Variants in GTPBP6 observed in about 807,000 individuals in gnomAD.
GTPBP6 encodes putative GTP-binding protein 6.
In GTPBP6, 33 loss-of-function variants were observed where a neutral mutation model predicts 28.9. The observed-to-expected ratio is 1.14, with a 90% CI of 0.87 to 1.53. The LOEUF (loss-of-function observed/expected upper bound fraction) is 1.53. GTPBP6 is among the 40% of genes most tolerant of loss of function. The probability of loss-of-function intolerance (pLI) is 0.00; values close to 1 mark genes in which losing one functional copy is unlikely to be tolerated. For synonymous variants in GTPBP6, 231 were observed against 192.7 expected, an observed-to-expected ratio of 1.20 and a Z score of -1.65; for missense variants, 507 against 408.3, an observed-to-expected ratio of 1.24 and a Z score of -2.08.
chrX:313,007 G>A (rs2070346449), intron 5 of GTPBP6, 83 bp from the exon 6 acceptor site: 2 of 1,239,090 alleles, frequency 1.6e-6, no homozygotes, highest in Middle Eastern at 2.8e-4. Flanking sequence ...GGTCTGCGGG[G>A]GCCCGGGGCC....
intron 4 of GTPBP6, among the ~76,000 whole-genome samples, chrX:314,505 C>G (rs770363618): frequency 1.4e-5 from 2 of 138,108 alleles, no homozygotes; most frequent in South Asian, 4.4e-4. Context: ...CGGAGTCTCG[C>G]TCTGTCACCC....
At chrX:318,268 G>C (rs1377187862) in intron 1 of GTPBP6, among the ~76,000 whole-genome samples, 171 bp downstream of exon 1, 1 of 137,548 alleles carries the variant, frequency 7.3e-6, no homozygotes, top group Non-Finnish European at 1.6e-5. Context: ...CCGCCCTTGC[G>C]CCTCCACCTA....
At chrX:305,646 G>A (rs1158373720) in intron 9 of GTPBP6, among the ~76,000 whole-genome samples, 2 of 141,262 alleles carry the variant, frequency 1.4e-5, no homozygotes, top group African/African-American at 5.5e-5. Flanking sequence ...TTTTTTTTGA[G>A]ACAGAGTCTC....
At chrX:313,925 G>C (rs4074621) in intron 5 of GTPBP6, among the ~76,000 whole-genome samples, 61,483 of 115,956 alleles carry the variant, frequency 0.53, 17,260 homozygotes, top group African/African-American at 0.6. Flanking sequence ...AAAACCACCA[G>C]CATCTCCTAT....
chrX:311,270 GGCCCCTGGGCTGAGTGGGTGTCCGAGGGC>G, intron 7 of GTPBP6, 120 bp downstream of exon 7: 1 of 270,028 alleles, frequency 3.7e-6, no homozygotes, highest in African/African-American at 4.6e-5. Context: ...CCGAGGGCCT[GGCCCCTGGGCTGAGTGGGTGTCCGAGGGC>G]CCGGCCCCTG....
chrX:308,732 C>CTTTT (rs1164566238), intron 7 of GTPBP6, among the ~76,000 whole-genome samples: 21 of 109,482 alleles, frequency 1.9e-4, no homozygotes, highest in African/African-American at 6.9e-4. Flanking sequence ...GAAAGTTTTA[C>CTTTT]TTTTTTTTTT....
At chrX:306,311 G>A (rs2070162858) in intron 9 of GTPBP6, among the ~76,000 whole-genome samples, 2 of 150,534 alleles carry the variant, frequency 1.3e-5, no homozygotes, top group East Asian at 2.0e-4. Context: ...AGTCAGAAAT[G>A]TACATTTTGA....
At chrX:310,888 T>TCA (rs1297561733) in intron 7 of GTPBP6, among the ~76,000 whole-genome samples, 3 of 151,712 alleles carry the variant, frequency 2.0e-5, no homozygotes, top group African/African-American at 7.3e-5. Context: ...TCCTCAGGCA[T>TCA]CACCGTGCTG....
exon 1 of GTPBP6, chrX:318,582 T>C (rs1230995323): frequency 1.5e-5 from 6 of 397,674 alleles, no homozygotes; most frequent in Admixed American, 8.8e-5. Flanking sequence ...CTCCTCCTCG[T>C]CGTCTCCCGT....
intron 7 of GTPBP6, among the ~76,000 whole-genome samples, chrX:308,556 T>C (rs2070220753): frequency 6.6e-6 from 1 of 152,116 alleles, no homozygotes; most frequent in Non-Finnish European, 1.5e-5. Context: ...TGTGCGTGTC[T>C]GTGGTCTCAG....
chrX:317,846 T>G (rs1371090707), intron 1 of GTPBP6, among the ~76,000 whole-genome samples: 1 of 119,330 alleles, frequency 8.4e-6, no homozygotes, highest in Non-Finnish European at 1.8e-5. Flanking sequence ...CCACCAATGA[T>G]ATCCTCCCCT....
chrX:309,049 GA>G, intron 7 of GTPBP6, among the ~76,000 whole-genome samples: 1 of 152,234 alleles, frequency 6.6e-6, no homozygotes, highest in Non-Finnish European at 1.5e-5. Context: ...GGGAGGAGTC[GA>G]AAGCGGAGTC....
At chrX:308,368 A>T (rs1374819604) in intron 7 of GTPBP6, among the ~76,000 whole-genome samples, 1 of 152,192 alleles carries the variant, frequency 6.6e-6, no homozygotes, top group African/African-American at 2.4e-5. Flanking sequence ...TCTCCAACTT[A>T]TACTACCGGG....
At chrX:312,102 G>C in intron 6 of GTPBP6, 1 of 449,710 alleles carries the variant, frequency 2.2e-6, no homozygotes, top group Non-Finnish European at 4.4e-6. Context: ...CAGATGGGTG[G>C]ATTGTATAGA....
intron 9 of GTPBP6, among the ~76,000 whole-genome samples, chrX:305,478 C>T (rs1417893824): frequency 2.6e-5 from 4 of 151,764 alleles, no homozygotes; most frequent in African/African-American, 7.3e-5. Flanking sequence ...CATGCCACCA[C>T]ACCTGGCTAA....
At chrX:312,693 T>TGCCCTCCCCCGGGCGA (rs1430450443) in intron 6 of GTPBP6, 73 bp downstream of exon 6, 6 of 1,453,584 alleles carry the variant, frequency 4.1e-6, no homozygotes, top group Non-Finnish European at 5.7e-6. Flanking sequence ...AGGGACCCCC[T>TGCCCTCCCCCGGGCGA]GCCCTCCCCC....
At chrX:317,711 A>ACCCCACCCCC (rs2070464918) in intron 1 of GTPBP6, among the ~76,000 whole-genome samples, 1 of 5,532 alleles carries the variant, frequency 1.8e-4, no homozygotes, top group African/African-American at 7.2e-4. Context: ...ACCCCACCCC[A>ACCCCACCCCC]CCCCACCCCA....
chrX:318,300 C>T lies in GTPBP6; in HGVS notation c.349+139G>A, dbSNP rs1396884443. 1.0e-5 allele frequency: 4 copies of T among 396,830 alleles called. No homozygotes were observed. The East Asian group carries it at 1.1e-4, about 11-fold the overall frequency. The allele number at this position is 396,830 out of a possible 1,614,324, so 24.6% of individuals were successfully genotyped here. A position where few individuals can be genotyped will look rare whatever the true frequency, so the allele number is the denominator to read the frequency against. On this transcript the variant is annotated intron_variant, in intron 1 of 9. Transcript: ENST00000326153. The stretch of plus-strand genomic sequence containing the variant: ...CCTATGAGATTCTCCCCACAGAACC[C>T]CGCCCCTGAATCTCCACCTATGAGA...
At chrX:308,436 T>A (rs368609482) in intron 7 of GTPBP6, among the ~76,000 whole-genome samples, 2 of 152,170 alleles carry the variant, frequency 1.3e-5, no homozygotes, top group Middle Eastern at 3.2e-3. Flanking sequence ...ATATTTTTCC[T>A]GTAACTGAGG....
Sources: allele counts gnomAD v4.1 joint callset (sites outside exome capture counted in the v4.1 genomes callset), GRCh38; gene constraint gnomAD v4.1.1; transcripts MANE v1.5; gene names NCBI Gene and HGNC (gene_info 2026-07-23, HGNC 2026-07-21).